CACNA1D: variants seen among roughly 807,000 people sequenced by gnomAD.
The protein encoded by CACNA1D is voltage-dependent L-type calcium channel subunit alpha-1D.
Under a neutral mutation model 257.1 loss-of-function variants are expected in CACNA1D, and 55 were observed. The ratio of observed to expected loss-of-function variants is 0.21; its 90% CI spans 0.17 to 0.27. CACNA1D has a LOEUF of 0.27. Among genes scored for constraint, CACNA1D ranks in the 10% least tolerant of loss-of-function variants. CACNA1D has a pLI of 1.00. For missense variants in CACNA1D, 1,876 were observed against 2,784.0 expected (o/e 0.67, Z 7.34); for synonymous variants, 980 against 1,014.9 (o/e 0.97, Z 0.65).
chr3:53,504,421 A>G (rs1452208339), intron 3 of CACNA1D, among the ~76,000 whole-genome samples: 1 of 152,140 alleles, frequency 6.6e-6, no homozygotes, highest in Non-Finnish European at 1.5e-5. Flanking sequence ...TTTGTTCTAG[A>G]TAGTATGTAA....
intron 9 of CACNA1D, among the ~76,000 whole-genome samples, chr3:53,703,659 C>T (rs1158599201): frequency 6.6e-6 from 1 of 152,212 alleles, no homozygotes; most frequent in Non-Finnish European, 1.5e-5. Flanking sequence ...TTCAAGTGCA[C>T]ATGTCCATTG....
intron 8 of CACNA1D, among the ~76,000 whole-genome samples, chr3:53,699,039 A>G (rs2094597647): frequency 6.6e-6 from 1 of 152,232 alleles, no homozygotes; most frequent in South Asian, 2.1e-4. Context: ...AAAGTGGAGT[A>G]ACTTTTTTCC....
chr3:53,606,916 T>G (rs562077453), intron 3 of CACNA1D, among the ~76,000 whole-genome samples: 1 of 152,360 alleles, frequency 6.6e-6, no homozygotes, highest in South Asian at 2.1e-4. Flanking sequence ...ATATTCACGT[T>G]TCATAAGTGA....
intron 37 of CACNA1D, among the ~76,000 whole-genome samples, chr3:53,779,264 T>A (rs1182666412): frequency 1.3e-5 from 2 of 152,150 alleles, no homozygotes; most frequent in African/African-American, 4.8e-5. Flanking sequence ...AAACAAAACA[T>A]CATCTGCGTG....
intron 14 of CACNA1D, among the ~76,000 whole-genome samples, chr3:53,725,544 T>C (rs1437252112): frequency 6.6e-6 from 1 of 152,186 alleles, no homozygotes; most frequent in Non-Finnish European, 1.5e-5. Flanking sequence ...GCTCTCCTTA[T>C]GGTTGTATTA....
intron 3 of CACNA1D, among the ~76,000 whole-genome samples, chr3:53,573,653 A>T (rs1332923814): frequency 6.6e-6 from 1 of 152,204 alleles, no homozygotes; most frequent in Non-Finnish European, 1.5e-5. Context: ...AGCTAGAATG[A>T]CATCTCCATG....
chr3:53,780,136 T>C lies in CACNA1D; in HGVS notation c.4690+8T>C, dbSNP rs1234602215. The C allele has an allele frequency of 1.3e-6, 2 of 1,597,702 alleles. No homozygotes were observed. Among genetic ancestry groups the C allele is most frequent in the Non-Finnish European group, 1.7e-6 (2 of 1,165,100 alleles). On this transcript the variant is annotated splice_region_variant and intron_variant, in intron 38 of 47. Transcript: ENST00000350061. ...TTAAGATCAAGACCGAAGGTGAGCA[T>C]TCCCTGCCAGCAAGACAAGATGGCA...
intron 3 of CACNA1D, among the ~76,000 whole-genome samples, chr3:53,587,047 C>G (rs542482077): frequency 6.6e-6 from 1 of 152,134 alleles, no homozygotes. Context: ...GGGGCCCCAT[C>G]TCAGTGGGCC....
intron 3 of CACNA1D, among the ~76,000 whole-genome samples, chr3:53,511,099 A>C (rs1375490853): frequency 6.6e-6 from 1 of 152,164 alleles, no homozygotes; most frequent in Non-Finnish European, 1.5e-5. Context: ...AAGAATATCC[A>C]ATCCGGTATG....
In CACNA1D at chr3:53,590,364, C is replaced by T. The variant is rs144732093; in HGVS notation, c.484-60415C>T. Among the ~76,000 whole-genome samples the T allele has an allele frequency of 2.7e-3, 407 of 152,320 alleles. 3 individuals are homozygous for T. The highest frequency in any genetic ancestry group is 9.0e-3 in the African/African-American group (376 of 41,574). On this transcript the variant is annotated intron_variant, in intron 3 of 47. Transcript: ENST00000350061. ...ACTGCCTGGTTGAGGTCAGGCTTGT[C>T]GTCCAGCCTATACTTAGGATTGTCA...
At chr3:53,717,128 G>A (rs181846152) in intron 9 of CACNA1D, among the ~76,000 whole-genome samples, 58 of 152,354 alleles carry the variant, frequency 3.8e-4, no homozygotes, top group African/African-American at 1.3e-3. Flanking sequence ...TGAAGACATC[G>A]TAAGGTCTGT....
At chr3:53,733,647 T>C (rs1314724738) in intron 19 of CACNA1D, among the ~76,000 whole-genome samples, 1 of 152,094 alleles carries the variant, frequency 6.6e-6, no homozygotes, top group East Asian at 1.9e-4. Flanking sequence ...AGTTTCTAGG[T>C]TTTAAATCAT....
Position 53,743,037 on chromosome 3 carries a change from C to T in CACNA1D, c.2838C>T (p.His946=), listed in dbSNP as rs781468080. Residue 946 remains histidine (H), a synonymous_variant, in exon 22 of 48, where the codon CAC becomes CAT. Coordinates refer to ENST00000350061, the MANE Select transcript of CACNA1D (RefSeq NM_001128840.3). The stretch of plus-strand genomic sequence containing the variant: ...TGACAACTTTTGGAGCTTTCCTCCA[C>T]AAAGGGGCCTTCTGCAGGAACTACT... ...LKMTTFGAFL[H]KGAFCRNYFN... 6.2e-6 allele frequency: 10 copies of T among 1,613,138 alleles called. No homozygotes were observed. Among genetic ancestry groups the T allele is most frequent in the Non-Finnish European group, 8.5e-6 (10 of 1,179,080 alleles).
chr3:53,803,931 A>G (rs924654934), intron 44 of CACNA1D, among the ~76,000 whole-genome samples: 5 of 152,142 alleles, frequency 3.3e-5, no homozygotes, highest in African/African-American at 9.7e-5. Flanking sequence ...TGGCGGCCCC[A>G]GGGCTCTGTG....
At chr3:53,506,983 G>T (rs2090872526) in intron 3 of CACNA1D, among the ~76,000 whole-genome samples, 1 of 147,788 alleles carries the variant, frequency 6.8e-6, no homozygotes, top group Non-Finnish European at 1.5e-5. Flanking sequence ...TGAGGCAGGA[G>T]TCTTGGTTGA....
chr3:53,582,336 G>A (rs2093146452), intron 3 of CACNA1D, among the ~76,000 whole-genome samples: 1 of 152,158 alleles, frequency 6.6e-6, no homozygotes, highest in South Asian at 2.1e-4. Flanking sequence ...AGTCGAGAGA[G>A]AGAGGGGACA....
chr3:53,754,921 G>T (rs2095253445), intron 29 of CACNA1D, among the ~76,000 whole-genome samples: 1 of 152,114 alleles, frequency 6.6e-6, no homozygotes, highest in African/African-American at 2.4e-5. Flanking sequence ...TCAGATCTTT[G>T]TGGACCAAAA....
intron 3 of CACNA1D, among the ~76,000 whole-genome samples, chr3:53,634,673 A>G (rs569254242): frequency 6.6e-6 from 1 of 152,316 alleles, no homozygotes; most frequent in African/African-American, 2.4e-5. Context: ...AACATTCACA[A>G]CACAACCACC....
At position 53,730,507 on chromosome 3, in the gene CACNA1D, A is replaced by G. The variant is rs1422897552; in HGVS notation, c.2287A>G (p.Thr763Ala). 6.2e-7 allele frequency: 1 copy of G among 1,614,140 alleles called. No individual in the cohort carries two copies. Among genetic ancestry groups the G allele is most frequent in the Non-Finnish European group, 8.5e-7 (1 of 1,179,956 alleles). Residue 763 changes from threonine (T) to alanine (A), a missense_variant, in exon 16 of 48, where the codon ACT becomes GCT. By Grantham distance (58) the Thr-to-Ala change is moderately conservative. Transcript: ENST00000350061. ...TTTGGCTGATGCTGAAAGTCTGAACACTGCTCAGAAAGAAGAAGCGGAAGA... is the reference window on the plus strand; with the variant it reads ...TTTGGCTGATGCTGAAAGTCTGAACGCTGCTCAGAAAGAAGAAGCGGAAGA... ...DNLADAESLN[T>A]AQKEEAEEKE...
Sources: allele counts gnomAD v4.1 joint callset (sites outside exome capture counted in the v4.1 genomes callset), GRCh38; gene constraint gnomAD v4.1.1; transcripts MANE v1.5; gene names NCBI Gene and HGNC (gene_info 2026-07-23, HGNC 2026-07-21).